Variants in TJP1 observed in about 807,000 individuals in gnomAD.
TJP1 encodes the protein tight junction protein 1.
TJP1 carries 43 observed loss-of-function variants against 194.2 expected under a neutral mutation model. The observed-to-expected ratio is 0.22, with a 90% CI of 0.17 to 0.29. The LOEUF (loss-of-function observed/expected upper bound fraction) is 0.29. Ranked by LOEUF, TJP1 falls within the 10% of genes least tolerant of loss-of-function variation. The pLI is 1.00. For synonymous variants in TJP1, 801 were observed against 779.0 expected (o/e 1.03, Z -0.47); for missense variants, 1,971 against 2,185.7 (o/e 0.90, Z 1.96).
chr15:29,914,628 A>G (rs1371206642), intron 2 of TJP1, among the ~76,000 whole-genome samples: 2 of 152,184 alleles, frequency 1.3e-5, no homozygotes, highest in Non-Finnish European at 2.9e-5. Context: ...GGGAGGCTCC[A>G]GGGAACATAT....
chr15:29,744,134 G>A (rs1014941236), intron 8 of TJP1, among the ~76,000 whole-genome samples: 2 of 152,116 alleles, frequency 1.3e-5, no homozygotes, highest in South Asian at 2.1e-4. Flanking sequence ...AGCCAAGATC[G>A]TGCCACTGCA....
intron 2 of TJP1, among the ~76,000 whole-genome samples, chr15:29,903,258 A>G (rs1286602500): frequency 1.3e-5 from 2 of 152,116 alleles, no homozygotes; most frequent in Non-Finnish European, 2.9e-5. Flanking sequence ...AATATTTTAT[A>G]AAGGCACAAA....
At chr15:29,950,482 TC>T (rs1266262779) in intron 2 of TJP1, among the ~76,000 whole-genome samples, 80 of 152,282 alleles carry the variant, frequency 5.3e-4, no homozygotes, top group African/African-American at 1.8e-3. Flanking sequence ...GACCTCCACC[TC>T]CACCACTACC....
intron 22 of TJP1, 152 bp from the exon 23 acceptor site, chr15:29,716,990 A>T: frequency 1.4e-6 from 1 of 690,822 alleles, no homozygotes; most frequent in Non-Finnish European, 2.3e-6. Context: ...GTTAAAATGG[A>T]TATTTCAAAT....
intron 12 of TJP1, among the ~76,000 whole-genome samples, chr15:29,734,031 T>C (rs1266370304): frequency 2.0e-5 from 3 of 152,162 alleles, no homozygotes; most frequent in Non-Finnish European, 4.4e-5. Context: ...TGTAAAGGGT[T>C]GGATGGCATT....
chr15:29,943,562 T>C (rs1277591144), intron 2 of TJP1, among the ~76,000 whole-genome samples: 2 of 133,068 alleles, frequency 1.5e-5, no homozygotes, highest in African/African-American at 5.8e-5. Context: ...GGGAGGTGGA[T>C]GTTGCAGTGA....
intron 23 of TJP1, among the ~76,000 whole-genome samples, chr15:29,714,828 A>T (rs1238868684): frequency 2.0e-5 from 3 of 152,226 alleles, no homozygotes; most frequent in Admixed American, 2.0e-4. Flanking sequence ...GGCACGAGCC[A>T]CTGCGCCTGG....
intron 1 of TJP1, 81 bp downstream of exon 1, chr15:29,821,921 G>C (rs986293763): frequency 8.6e-7 from 1 of 1,160,142 alleles, no homozygotes; most frequent in African/African-American, 1.6e-5. Flanking sequence ...CAGCGAGGGA[G>C]GGCGGGACGC....
At chr15:29,761,441 G>A (rs139662898) in intron 7 of TJP1, among the ~76,000 whole-genome samples, 155 bp from the exon 8 acceptor site, 16 of 152,320 alleles carry the variant, frequency 1.1e-4, no homozygotes, top group African/African-American at 3.6e-4. Flanking sequence ...CATATCAATA[G>A]TGGTGAGTTG....
At chr15:29,938,339 G>A (rs1357389) in intron 2 of TJP1, among the ~76,000 whole-genome samples, 44,796 of 152,050 alleles carry the variant, frequency 0.29, 7,761 homozygotes, top group African/African-American at 0.48. Flanking sequence ...TTAATACACA[G>A]TAGAAAATGG....
intron 2 of TJP1, among the ~76,000 whole-genome samples, chr15:29,848,078 A>T (rs967805699): frequency 1.3e-5 from 2 of 151,384 alleles, no homozygotes; most frequent in East Asian, 3.9e-4. Context: ...TACTCACATG[A>T]TTACAGTTAT....
intron 2 of TJP1, among the ~76,000 whole-genome samples, chr15:29,870,814 T>C (rs1245197837): frequency 6.6e-6 from 1 of 152,246 alleles, no homozygotes; most frequent in Non-Finnish European, 1.5e-5. Flanking sequence ...CACCTGCTTA[T>C]GGACTAGAAA....
At chr15:29,797,706 G>T (rs1297392119) in intron 2 of TJP1, among the ~76,000 whole-genome samples, 1 of 151,854 alleles carries the variant, frequency 6.6e-6, no homozygotes, top group Non-Finnish European at 1.5e-5. Flanking sequence ...TTAACAACTG[G>T]TTAATATCCA....
intron 2 of TJP1, among the ~76,000 whole-genome samples, chr15:29,887,424 C>T (rs903097188): frequency 8.6e-5 from 13 of 151,814 alleles, no homozygotes; most frequent in African/African-American, 2.9e-4. Context: ...CTCAGCCTCC[C>T]GAATAGCTGG....
intron 2 of TJP1, among the ~76,000 whole-genome samples, chr15:29,894,190 G>A (rs2053404309): frequency 6.6e-6 from 1 of 152,176 alleles, no homozygotes; most frequent in Non-Finnish European, 1.5e-5. Flanking sequence ...CAGGCGTGGT[G>A]GCTCACGCCT....
At position 29,705,738 on chromosome 15, in the gene TJP1, C is replaced by G. The variant is rs2041856190; in HGVS notation, c.4858G>C (p.Ala1620Pro). 6.2e-7 allele frequency: 1 copy of G among 1,614,098 alleles called. No individual in the cohort carries two copies. Among genetic ancestry groups the G allele is most frequent in the Non-Finnish European group, 8.5e-7 (1 of 1,180,018 alleles). Reference protein sequence around the residue: ...VPKAIPVSPSAVEEDEDEDGH... With the variant: ...VPKAIPVSPSPVEEDEDEDGH... ...TCTTCATCTTCATCCTCTTCCACAGCTGAAGGACTGAAAGTTCAGAAATGG... is the reference window on the plus strand; with the variant it reads ...TCTTCATCTTCATCCTCTTCCACAGGTGAAGGACTGAAAGTTCAGAAATGG... Residue 1620 changes from alanine (A) to proline (P), a missense_variant, in exon 26 of 28, where the codon GCT becomes CCT. Physicochemically the swap from Ala to Pro is conservative, Grantham distance 27. Coordinates refer to ENST00000614355, the MANE Select transcript of TJP1 (RefSeq NM_001330239.4).
At chr15:29,888,539 T>C (rs182444472) in intron 2 of TJP1, among the ~76,000 whole-genome samples, 193 of 152,356 alleles carry the variant, frequency 1.3e-3, no homozygotes, top group African/African-American at 4.3e-3. Flanking sequence ...AAAGAAACAC[T>C]TGGTTAATGA....
intron 18 of TJP1, among the ~76,000 whole-genome samples, chr15:29,723,943 C>T (rs1290861123): frequency 6.6e-6 from 1 of 152,206 alleles, no homozygotes; most frequent in East Asian, 1.9e-4. Flanking sequence ...TGCTCAGTTA[C>T]TCATGAGAGC....
intron 9 of TJP1, 139 bp from the exon 10 acceptor site, chr15:29,741,575 T>C (rs2044423254): frequency 1.7e-6 from 1 of 599,342 alleles, no homozygotes; most frequent in Non-Finnish European, 2.9e-6. Flanking sequence ...GTACATTTTA[T>C]AGTAATAAAT....
Sources: gnomAD v4.1 joint callset for allele counts (sites outside exome capture counted in the v4.1 genomes callset) on GRCh38, gnomAD v4.1.1 for gene constraint, MANE v1.5 for transcripts, NCBI Gene and HGNC (gene_info 2026-07-23, HGNC 2026-07-21) for gene names.